PKD2: variants seen among roughly 807,000 people sequenced by gnomAD.
The protein encoded by PKD2 is polycystin-2.
In PKD2, 48 loss-of-function variants were observed where a neutral mutation model predicts 105.9. That is an observed-to-expected ratio of 0.45 (90% confidence interval 0.36 to 0.58). The LOEUF is 0.58. Ranked by LOEUF, PKD2 falls within the 20% of genes least tolerant of loss-of-function variation. The pLI, the probability that PKD2 is intolerant of heterozygous loss-of-function variation, is 0.00. For missense variants in PKD2, 1,078 were observed against 1,255.3 expected, an observed-to-expected ratio of 0.86 and a Z score of 2.13; for synonymous variants, 464 against 481.1, an observed-to-expected ratio of 0.96 and a Z score of 0.46.
At chr4:88,039,368 T>C (rs1727467261) in intron 4 of PKD2, among the ~76,000 whole-genome samples, 1 of 152,104 alleles carries the variant, frequency 6.6e-6, no homozygotes, top group African/African-American at 2.4e-5. Context: ...AAGAAACAAA[T>C]TTAGTAAAAA....
intron 4 of PKD2, among the ~76,000 whole-genome samples, chr4:88,040,985 A>G (rs1027499717): frequency 1.5e-4 from 23 of 152,182 alleles, no homozygotes; most frequent in African/African-American, 4.6e-4. Context: ...TGCTGGAGAA[A>G]CAAAGCAGCA....
At chr4:88,046,989 C>T (rs999100043) in intron 6 of PKD2, 119 bp downstream of exon 6, 6 of 740,152 alleles carry the variant, frequency 8.1e-6, no homozygotes, top group Non-Finnish European at 1.5e-5. Context: ...AAAAGTCCCC[C>T]TCAATTATAT....
At chr4:88,030,351 G>A (rs1441977248) in intron 2 of PKD2, among the ~76,000 whole-genome samples, 1 of 152,060 alleles carries the variant, frequency 6.6e-6, no homozygotes, top group African/African-American at 2.4e-5. Flanking sequence ...TGCCCAGGCT[G>A]TTCTTGAACT....
intron 6 of PKD2, among the ~76,000 whole-genome samples, chr4:88,051,456 C>T (rs949518085): frequency 2.6e-5 from 4 of 152,150 alleles, no homozygotes; most frequent in African/African-American, 4.8e-5. Context: ...CTGTTTATTC[C>T]TCTTAGCCCT....
At chr4:88,035,364 C>T (rs950568337) in intron 2 of PKD2, among the ~76,000 whole-genome samples, 1 of 152,110 alleles carries the variant, frequency 6.6e-6, no homozygotes, top group African/African-American at 2.4e-5. Flanking sequence ...AATCAGTATC[C>T]TGGAAGAAGG....
At chr4:88,074,203 C>T (rs184508588) in intron 13 of PKD2, among the ~76,000 whole-genome samples, 16 of 152,136 alleles carry the variant, frequency 1.1e-4, no homozygotes, top group South Asian at 4.2e-4. Context: ...TGCAGGAGTG[C>T]GGTGGAATGA....
chr4:88,034,633 A>C (rs1191548285), intron 2 of PKD2, among the ~76,000 whole-genome samples: 3 of 141,908 alleles, frequency 2.1e-5, no homozygotes. Flanking sequence ...ACTCCATTGC[A>C]CTCCAGACTG....
In PKD2 at chr4:88,007,803, C is replaced by T. The variant is rs786204221; in HGVS notation, c.70C>T (p.Pro24Ser). The T allele has an allele frequency of 8.2e-5, 96 of 1,167,354 alleles. No homozygotes were observed. Among genetic ancestry groups the T allele is most frequent in the Admixed American group, 3.9e-4 (9 of 23,262 alleles). 72.3% of individuals were successfully genotyped at this position (1,167,354 alleles called of 1,614,324 possible). Residue 24 changes from proline to serine, a missense_variant, in exon 1 of 15, where the codon CCG (proline) becomes TCG (serine). Transcript: ENST00000237596. Reference sequence around the variant, plus strand: ...CAAGCGGCCGCCCGCGCCCCGCGCGCCGGACCCGGGCCGGCTGATGGCTGG... The same window carrying T: ...CAAGCGGCCGCCCGCGCCCCGCGCGTCGGACCCGGGCCGGCTGATGGCTGG... ...DAKRPPAPRA[P>S]DPGRLMAGCA...
chr4:88,065,242 C>T lies in PKD2; in HGVS notation c.2119-132C>T, dbSNP rs1720746647. 3.8e-6 allele frequency: 3 copies of T among 782,108 alleles called. No individual in the cohort carries two copies. The South Asian group carries it at 4.4e-5, about 11-fold the overall frequency. The allele number at this position is 782,108 out of a possible 1,614,324, so 48.4% of individuals were successfully genotyped here. Reference sequence around the variant, plus strand: ...AAACTGGATACATTAATTCTTCATTCATCCAGCACGTACTTGTTGAATGGC... The same window carrying T: ...AAACTGGATACATTAATTCTTCATTTATCCAGCACGTACTTGTTGAATGGC... On this transcript the variant is annotated intron_variant, in intron 10 of 14. Coordinates refer to ENST00000237596, the MANE Select transcript of PKD2 (RefSeq NM_000297.4).
chr4:88,017,278 A>G (rs551960344), intron 1 of PKD2, among the ~76,000 whole-genome samples: 5 of 152,350 alleles, frequency 3.3e-5, no homozygotes, highest in Admixed American at 3.3e-4. Context: ...CTGCCTCAAG[A>G]TAAATAAATT....
rs772666720 is a variant in PKD2, at chr4:88,074,964, G to GT, written c.2670+6dup. 6.2e-7 allele frequency: 1 copy of GT among 1,614,022 alleles called. No individual in the cohort carries two copies. The highest frequency in any genetic ancestry group is 2.2e-5 in the East Asian group (1 of 44,872). On this transcript the variant is annotated splice_donor_region_variant and intron_variant, in intron 14 of 14. Coordinates refer to ENST00000237596, the MANE Select transcript of PKD2 (RefSeq NM_000297.4). ...CTGTTGGATGGGGTGGCCGAGGTCA[G>GT]TAGTCATGAGCTGAAAACACCGCTG...
chr4:88,074,385 A>G lies in PKD2; in HGVS notation c.2523-427A>G, dbSNP rs372680756. Among the ~76,000 whole-genome samples the G allele has an allele frequency of 9.2e-5, 14 of 152,234 alleles. No homozygotes were observed. In the South Asian group the frequency reaches 1.2e-3, roughly 14 times the overall value. On this transcript the variant is annotated intron_variant, in intron 13 of 14. Coordinates refer to ENST00000237596, the MANE Select transcript of PKD2 (RefSeq NM_000297.4). The stretch of plus-strand genomic sequence containing the variant: ...ACTCCTGGCCTCAAGCGATCTGCAC[A>G]CTTCCGCCTCCCAAAATGCCAGGAT...
intron 3 of PKD2, among the ~76,000 whole-genome samples, chr4:88,037,374 G>A (rs1727375352): frequency 6.6e-6 from 1 of 152,144 alleles, no homozygotes; most frequent in African/African-American, 2.4e-5. Flanking sequence ...GATACCACAG[G>A]AAAAATATTA....
At chr4:88,053,947 TTAA>T (rs1720212650) in intron 7 of PKD2, among the ~76,000 whole-genome samples, 1 of 152,162 alleles carries the variant, frequency 6.6e-6, no homozygotes, top group Non-Finnish European at 1.5e-5. Flanking sequence ...TTAATCTTAC[TTAA>T]TTTAAATTTG....
At chr4:88,025,991 C>T (rs986836125) in intron 2 of PKD2, among the ~76,000 whole-genome samples, 1 of 152,198 alleles carries the variant, frequency 6.6e-6, no homozygotes, top group African/African-American at 2.4e-5. Context: ...TTATAAATTA[C>T]CGAGTCTCAG....
intron 4 of PKD2, among the ~76,000 whole-genome samples, chr4:88,042,360 A>C (rs527569418): frequency 6.6e-6 from 1 of 152,302 alleles, no homozygotes; most frequent in South Asian, 2.1e-4. Flanking sequence ...ACTCACTATC[A>C]TGAGACCAGC....
chr4:88,043,554 A>G, intron 5 of PKD2, 97 bp downstream of exon 5: 1 of 839,848 alleles, frequency 1.2e-6, no homozygotes, highest in Non-Finnish European at 2.0e-6. Flanking sequence ...GCAGTTAGCT[A>G]CATGAGGATG....
At position 88,050,260 on chromosome 4, in the gene PKD2, C is replaced by G. The variant is rs546884683; in HGVS notation, c.1549-1731C>G. 4.6e-3 allele frequency among the ~76,000 whole-genome samples: 697 copies of G among 152,188 alleles called. 4 individuals are homozygous for G. Among genetic ancestry groups the G allele is most frequent in the Middle Eastern group, 0.044 (13 of 294 alleles). On this transcript the variant is annotated intron_variant, in intron 6 of 14. Transcript: ENST00000237596. The stretch of plus-strand genomic sequence containing the variant: ...AAGTGCTGGGATTACAGGCGTGAAC[C>G]ACCGCGCCTGGCCCGACTAATTCAT...
chr4:88,051,897 T>C, intron 6 of PKD2, 94 bp from the exon 7 acceptor site: 1 of 701,830 alleles, frequency 1.4e-6, no homozygotes, highest in Non-Finnish European at 2.5e-6. Context: ...CCCTTATAAT[T>C]AATACATTGG....
Sources: allele counts gnomAD v4.1 joint callset (sites outside exome capture counted in the v4.1 genomes callset), GRCh38; gene constraint gnomAD v4.1.1; transcripts MANE v1.5; gene names NCBI Gene and HGNC (gene_info 2026-07-23, HGNC 2026-07-21).